The following CSMD1 variants were observed in gnomAD, a reference collection of about 807,000 sequenced individuals.
CSMD1 encodes the protein CUB and Sushi multiple domains 1.
Under a neutral mutation model 417.5 loss-of-function variants are expected in CSMD1, and 213 were observed. The ratio of observed to expected loss-of-function variants is 0.51; its 90% CI spans 0.46 to 0.57. CSMD1 has a LOEUF of 0.57. CSMD1 is among the 20% of genes least tolerant of loss of function. The probability of loss-of-function intolerance (pLI) is 0.00; values close to 1 mark genes in which losing one functional copy is unlikely to be tolerated. For synonymous variants in CSMD1, 2,862 were observed against 1,736.8 expected, an observed-to-expected ratio of 1.65 and a Z score of -16.11; for missense variants, 6,923 against 4,529.7, an observed-to-expected ratio of 1.53 and a Z score of -15.17.
intron 10 of CSMD1, among the ~76,000 whole-genome samples, chr8:3,555,076 T>G (rs919830998): frequency 2.0e-5 from 3 of 151,990 alleles, no homozygotes; most frequent in African/African-American, 7.2e-5. Flanking sequence ...AGGAGAGCCC[T>G]CGGCAAGTGC....
intron 5 of CSMD1, among the ~76,000 whole-genome samples, chr8:3,944,151 A>T (rs144489283): frequency 1.3e-5 from 2 of 152,248 alleles, no homozygotes; most frequent in African/African-American, 4.8e-5. Flanking sequence ...GGCTACACAG[A>T]ATTTTTTTAC....
intron 31 of CSMD1, 73 bp from the exon 32 acceptor site, chr8:3,201,798 A>G (rs1043829595): frequency 1.3e-6 from 1 of 751,850 alleles, no homozygotes; most frequent in African/African-American, 1.8e-5. Flanking sequence ...GATTTCACTG[A>G]ATATCTATTA....
chr8:4,256,115 C>A (rs777082106), intron 3 of CSMD1, among the ~76,000 whole-genome samples: 6 of 152,204 alleles, frequency 3.9e-5, no homozygotes, highest in Non-Finnish European at 7.3e-5. Context: ...TGCTCCCCTG[C>A]AAAATGCTTT....
chr8:4,782,240 G>T lies in CSMD1; in HGVS notation c.86-144682C>A, dbSNP rs116295631. Among the ~76,000 whole-genome samples, 492 of 152,266 alleles carry T rather than the reference G, an allele frequency of 3.2e-3. 2 individuals are homozygous for T. Among genetic ancestry groups the T allele is most frequent in the African/African-American group, 7.3e-3 (303 of 41,572 alleles). On this transcript the variant is annotated intron_variant, in intron 1 of 69. Coordinates refer to ENST00000635120, the MANE Select transcript of CSMD1 (RefSeq NM_033225.6). The stretch of plus-strand genomic sequence containing the variant: ...AATAATGTATATCTCAAAATAGCTA[G>T]AAAAGAGGGTTTTCAATATCCTTAC...
In CSMD1 at chr8:4,312,439, G is replaced by GTATATATATACGCGTATATATATATGCA. The variant is rs1798677144; in HGVS notation, c.415+107513_415+107514insTGCATATATATATACGCGTATATATATA. Among the ~76,000 whole-genome samples the GTATATATATACGCGTATATATATATGCA allele has an allele frequency of 1.8e-5, 2 of 110,692 alleles. 1 individual carries two copies. The highest frequency in any genetic ancestry group is 1.1e-4 in the African/African-American group (2 of 17,406). The allele number at this position is 110,692 out of a possible 152,430, so 72.6% of individuals were successfully genotyped here. ...TATATATGCGCGTATATATATATGCGTATATATATACGTATATATATGCGC... is the reference window on the plus strand; with the variant it reads ...TATATATGCGCGTATATATATATGCGTATATATATACGCGTATATATATATGCATATATATATACGTATATATATGCGC... On this transcript the variant is annotated intron_variant, in intron 3 of 69. Coordinates refer to ENST00000635120, the MANE Select transcript of CSMD1 (RefSeq NM_033225.6).
At chr8:3,103,971 A>C (rs1056783467) in intron 46 of CSMD1, among the ~76,000 whole-genome samples, 2 of 151,192 alleles carry the variant, frequency 1.3e-5, no homozygotes, top group Non-Finnish European at 3.0e-5. Flanking sequence ...TTGAACTCCT[A>C]ACCTCAGGTG....
Position 3,754,518 on chromosome 8 carries a change from G to C in CSMD1, c.819-476C>G, listed in dbSNP as rs143132719. Among the ~76,000 whole-genome samples, 18 of 152,026 alleles carry C rather than the reference G, an allele frequency of 1.2e-4. No individual in the cohort carries two copies. The East Asian group carries it at 2.9e-3, about 25-fold the overall frequency. ...CATCCAGGCTGGAGGGCAGTGGTGC[G>C]ATCTCGGCTCACTGCAAGCTCCGCC... On this transcript the variant is annotated intron_variant, in intron 5 of 69. Coordinates refer to ENST00000635120, the MANE Select transcript of CSMD1 (RefSeq NM_033225.6).
At chr8:2,988,836 G>T (rs900297978) in intron 54 of CSMD1, among the ~76,000 whole-genome samples, 1 of 152,130 alleles carries the variant, frequency 6.6e-6, no homozygotes, top group African/African-American at 2.4e-5. Context: ...TCCTGTGAAG[G>T]GTTGAACCTG....
chr8:3,420,465 C>T (rs1011924261), intron 12 of CSMD1, among the ~76,000 whole-genome samples: 4 of 151,242 alleles, frequency 2.6e-5, no homozygotes, highest in African/African-American at 4.9e-5. Flanking sequence ...AAAATACGAC[C>T]TTCAGTTAAT....
intron 3 of CSMD1, among the ~76,000 whole-genome samples, chr8:4,197,814 G>C (rs887940925): frequency 3.9e-5 from 6 of 152,160 alleles, no homozygotes; most frequent in East Asian, 1.9e-4. Context: ...AGGAGGCAGA[G>C]GTTGCAGTGA....
intron 7 of CSMD1, among the ~76,000 whole-genome samples, chr8:3,671,560 CATATATATATATA>C (rs1799059469): frequency 1.5e-4 from 1 of 6,542 alleles, no homozygotes; most frequent in African/African-American, 5.0e-4. Context: ...TATATATGAT[CATATATATATATA>C]TATATATATA....
intron 41 of CSMD1, among the ~76,000 whole-genome samples, chr8:3,127,104 A>C (rs1817550091): frequency 6.6e-6 from 1 of 152,196 alleles, no homozygotes; most frequent in Non-Finnish European, 1.5e-5. Context: ...TTCAGGTCCT[A>C]GTTTCTAAGA....
chr8:3,284,216 A>C lies in CSMD1; in HGVS notation c.4081T>G (p.Phe1361Val). Residue 1361 changes from phenylalanine (F) to valine (V), a missense_variant, in exon 26 of 70, where the codon TTC (phenylalanine) becomes GTC (valine). Coordinates refer to ENST00000635120, the MANE Select transcript of CSMD1 (RefSeq NM_033225.6). ...TCGAACTGCAGGGTGAGTGAGTTGA[A>C]GGTGCTGTGGATGTCCTCCGGAAGG... The part of the protein sequence containing the change: ...SALPEDIHST[F>V]NSLTLQFDSD... 6.2e-7 allele frequency: 1 copy of C among 1,611,382 alleles called. No individual in the cohort carries two copies. Among genetic ancestry groups the C allele is most frequent in the Non-Finnish European group, 8.5e-7 (1 of 1,178,806 alleles).
chr8:3,848,240 C>G (rs1472684094), intron 5 of CSMD1, among the ~76,000 whole-genome samples: 1 of 152,146 alleles, frequency 6.6e-6, no homozygotes, highest in Non-Finnish European at 1.5e-5. Context: ...CCCTTAATAC[C>G]TGCAAATCCT....
chr8:4,320,233 G>C (rs952786486), intron 3 of CSMD1, among the ~76,000 whole-genome samples: 1 of 152,084 alleles, frequency 6.6e-6, no homozygotes, highest in Non-Finnish European at 1.5e-5. Context: ...AAATTACCAG[G>C]CATGAAAAGA....
intron 27 of CSMD1, among the ~76,000 whole-genome samples, chr8:3,226,088 T>C (rs929903410): frequency 2.6e-5 from 4 of 152,202 alleles, no homozygotes; most frequent in Non-Finnish European, 4.4e-5. Context: ...TTAAAACATT[T>C]GAATGTTCAC....
intron 27 of CSMD1, among the ~76,000 whole-genome samples, chr8:3,228,878 G>T (rs868367022): frequency 6.6e-6 from 1 of 151,768 alleles, no homozygotes; most frequent in South Asian, 2.1e-4. Context: ...AAAGAAACAC[G>T]CCGAAATCTC....
intron 40 of CSMD1, among the ~76,000 whole-genome samples, chr8:3,148,155 T>A (rs994741045): frequency 6.6e-6 from 1 of 152,124 alleles, no homozygotes; most frequent in Non-Finnish European, 1.5e-5. Flanking sequence ...GGAAGCAACA[T>A]GAGAGATCAA....
chr8:4,191,406 A>AAAAAC (rs1554488286), intron 3 of CSMD1, among the ~76,000 whole-genome samples: 4 of 152,042 alleles, frequency 2.6e-5, no homozygotes, highest in Non-Finnish European at 5.9e-5. Context: ...AGAAAAAACA[A>AAAAAC]AAAACAAAAC....
Sources: allele counts gnomAD v4.1 joint callset (sites outside exome capture counted in the v4.1 genomes callset), GRCh38; gene constraint gnomAD v4.1.1; transcripts MANE v1.5; gene names NCBI Gene and HGNC (gene_info 2026-07-23, HGNC 2026-07-21).